The following TENM1 variants were observed in gnomAD, a reference collection of about 807,000 sequenced individuals.
TENM1 encodes teneurin-1.
In TENM1, 35 loss-of-function variants were observed where a neutral mutation model predicts 174.8. The ratio of observed to expected loss-of-function variants is 0.20; its 90% CI spans 0.15 to 0.27. TENM1 has a LOEUF of 0.27. TENM1 is among the 10% of genes least tolerant of loss of function. TENM1 has a pLI of 1.00. For missense variants in TENM1, 1,633 were observed against 2,130.1 expected, an observed-to-expected ratio of 0.77 and a Z score of 4.59; for synonymous variants, 781 against 798.7, an observed-to-expected ratio of 0.98 and a Z score of 0.37.
intron 15 of TENM1, among the ~76,000 whole-genome samples, chrX:124,531,653 T>C (rs2048109443): frequency 8.9e-6 from 1 of 112,475 alleles, no homozygotes. Context: ...CTGTCCATTT[T>C]ATGAATTATG....
chrX:124,771,885 T>C (rs1374768295), intron 3 of TENM1, among the ~76,000 whole-genome samples: 1 of 111,852 alleles, frequency 8.9e-6, no homozygotes, highest in African/African-American at 3.3e-5. Flanking sequence ...AAAATCCTAT[T>C]AATTCAGGCC....
the TENM1 span, among the ~76,000 whole-genome samples, chrX:125,152,180 G>A: frequency 1.8e-5 from 2 of 109,290 alleles, no homozygotes; most frequent in Non-Finnish European, 3.8e-5. Flanking sequence ...TGTTGAACCC[G>A]GGAGGTGGAG....
chrX:124,380,951 A>C, exon 32 of TENM1: 8 of 1,211,634 alleles, frequency 6.6e-6, no homozygotes, highest in Non-Finnish European at 8.9e-6. Flanking sequence ...AGTGTTACCG[A>C]TGAGCACCAG....
rs138002401 is a variant in TENM1, at chrX:124,941,931, G to A, written c.217+21606C>T. On this transcript the variant is annotated intron_variant, in intron 1 of 31. Transcript: ENST00000422452. ...TGGCAGCAGGCAAAAGAGAATGAGAGCCAAGTGAAAGGGTTTTCCTCTTAT... is the reference window on the plus strand; with the variant it reads ...TGGCAGCAGGCAAAAGAGAATGAGAACCAAGTGAAAGGGTTTTCCTCTTAT... 1.7e-3 allele frequency among the ~76,000 whole-genome samples: 195 copies of A among 111,625 alleles called. 3 individuals are homozygous for A. In the East Asian group the frequency reaches 0.049, roughly 28 times the overall value.
chrX:125,066,228 G>A, the TENM1 span, among the ~76,000 whole-genome samples: 11 of 111,657 alleles, frequency 9.9e-5, no homozygotes, highest in East Asian at 8.5e-4. Flanking sequence ...TTGCCACAAC[G>A]TTAAGAGTAT....
chrX:125,001,052 A>G, the TENM1 span, among the ~76,000 whole-genome samples: 6 of 110,486 alleles, frequency 5.4e-5, no homozygotes, highest in Non-Finnish European at 1.1e-4. Flanking sequence ...TACTCCAGAC[A>G]TCTCATAATT....
intron 20 of TENM1, among the ~76,000 whole-genome samples, chrX:124,493,848 A>C (rs751886423): frequency 9.0e-6 from 1 of 111,561 alleles, no homozygotes; most frequent in Non-Finnish European, 1.9e-5. Context: ...AGACTCTCTA[A>C]AAGTGCTTTG....
At chrX:125,159,317 A>G in the TENM1 span, among the ~76,000 whole-genome samples, 1 of 112,053 alleles carries the variant, frequency 8.9e-6, no homozygotes, top group Non-Finnish European at 1.9e-5. Context: ...TCTCCTGAGT[A>G]AGACTTCTTA....
exon 8 of TENM1, chrX:124,652,032 G>A: frequency 8.3e-7 from 1 of 1,211,868 alleles, no homozygotes; most frequent in East Asian, 3.0e-5. Flanking sequence ...GCGAAGTTAA[G>A]ATCAGGTTCC....
At chrX:124,961,570 C>T (rs1328724333) in intron 1 of TENM1, among the ~76,000 whole-genome samples, 1 of 110,862 alleles carries the variant, frequency 9.0e-6, no homozygotes, top group Non-Finnish European at 1.9e-5. Context: ...CTTGAGCCTA[C>T]GAGGCAGAGG....
intron 1 of TENM1, among the ~76,000 whole-genome samples, chrX:124,928,180 T>C (rs1245879448): frequency 2.7e-5 from 3 of 112,339 alleles, no homozygotes; most frequent in African/African-American, 9.7e-5. Context: ...TTTTCTTACT[T>C]TAGTTTGTTT....
chrX:124,611,665 G>C (rs2050280235), intron 11 of TENM1, among the ~76,000 whole-genome samples: 1 of 111,324 alleles, frequency 9.0e-6, no homozygotes, highest in Non-Finnish European at 1.9e-5. Context: ...TAAAATAGAA[G>C]CTAAAGTGGG....
intron 11 of TENM1, among the ~76,000 whole-genome samples, chrX:124,585,414 A>G (rs2049474103): frequency 9.0e-6 from 1 of 111,332 alleles, no homozygotes; most frequent in South Asian, 3.7e-4. Flanking sequence ...ATGGAAACTG[A>G]ACAACCTGCT....
At chrX:125,057,188 A>C in the TENM1 span, among the ~76,000 whole-genome samples, 1 of 112,024 alleles carries the variant, frequency 8.9e-6, no homozygotes. Context: ...GCACACATGC[A>C]CTAATACATA....
At chrX:124,484,811 C>A (rs968739216) in intron 21 of TENM1, among the ~76,000 whole-genome samples, 2 of 109,983 alleles carry the variant, frequency 1.8e-5, no homozygotes, top group Admixed American at 9.7e-5. Context: ...GTATTAGAAA[C>A]CAAGATCTGG....
intron 11 of TENM1, among the ~76,000 whole-genome samples, chrX:124,587,217 G>GCC (rs2049552378): frequency 9.1e-6 from 1 of 110,275 alleles, no homozygotes; most frequent in Non-Finnish European, 1.9e-5. Flanking sequence ...CCAAAAAAGA[G>GCC]CCCGCATTGC....
At chrX:124,614,091 G>A (rs1347810120) in intron 11 of TENM1, among the ~76,000 whole-genome samples, 1 of 111,457 alleles carries the variant, frequency 9.0e-6, no homozygotes, top group African/African-American at 3.3e-5. Context: ...TTGGGGTGGT[G>A]GCGTGGTATG....
chrX:124,547,794 G>C (rs112075224), intron 14 of TENM1, among the ~76,000 whole-genome samples: 48 of 112,182 alleles, frequency 4.3e-4, no homozygotes, highest in African/African-American at 1.5e-3. Context: ...GAAGGAACTA[G>C]AGTTAACATG....
At chrX:124,678,315 T>A (rs61082684) in intron 5 of TENM1, among the ~76,000 whole-genome samples, 3,355 of 111,131 alleles carry the variant, frequency 0.03, 128 homozygotes, top group African/African-American at 0.1. Context: ...GATCTGGTTT[T>A]AGTAGAAAAT....
Sources: allele counts gnomAD v4.1 joint callset (sites outside exome capture counted in the v4.1 genomes callset), GRCh38; gene constraint gnomAD v4.1.1; transcripts MANE v1.5; gene names NCBI Gene and HGNC (gene_info 2026-07-23, HGNC 2026-07-21).